The following MARK3 variants were observed in gnomAD, a reference collection of about 807,000 sequenced individuals.
MARK3 encodes the protein MAP/microtubule affinity-regulating kinase 3.
Under a neutral mutation model 90.1 loss-of-function variants are expected in MARK3, and 46 were observed. The ratio of observed to expected loss-of-function variants is 0.51; its 90% CI spans 0.40 to 0.65. The LOEUF (loss-of-function observed/expected upper bound fraction) is 0.65, where lower values mean the gene tolerates loss of function less well. MARK3 is among the 30% of genes least tolerant of loss of function. The pLI, the probability that MARK3 is intolerant of heterozygous loss-of-function variation, is 0.00. For synonymous variants in MARK3, 321 were observed against 332.6 expected (o/e 0.97, Z 0.38); for missense variants, 818 against 947.2 (o/e 0.86, Z 1.79).
At chr14:103,426,492 A>T (rs1240694303) in intron 2 of MARK3, among the ~76,000 whole-genome samples, 1 of 152,090 alleles carries the variant, frequency 6.6e-6, no homozygotes, top group Non-Finnish European at 1.5e-5. Context: ...GTCCTGCAGG[A>T]TGCCCAGTAG....
At chr14:103,439,393 GT>G (rs2092795301) in intron 3 of MARK3, among the ~76,000 whole-genome samples, 1 of 151,754 alleles carries the variant, frequency 6.6e-6, no homozygotes, top group East Asian at 1.9e-4. Context: ...TTTTTGGTCT[GT>G]TTTTTGTTTC....
intron 13 of MARK3, among the ~76,000 whole-genome samples, chr14:103,475,583 G>A (rs775065932): frequency 1.3e-5 from 2 of 152,210 alleles, no homozygotes; most frequent in Non-Finnish European, 2.9e-5. Context: ...CTCCAGAGGA[G>A]ACAAATGCTG....
chr14:103,498,121 G>A (rs1411595740), intron 15 of MARK3, among the ~76,000 whole-genome samples: 2 of 151,948 alleles, frequency 1.3e-5, no homozygotes, highest in African/African-American at 4.8e-5. Context: ...GGAGACTGAG[G>A]CACAAGAATT....
intron 9 of MARK3, 115 bp from the exon 10 acceptor site, chr14:103,466,228 T>C: frequency 7.5e-7 from 1 of 1,341,726 alleles, no homozygotes; most frequent in Non-Finnish European, 1.0e-6. Flanking sequence ...AAAATATTTT[T>C]TGAGTTTATG....
chr14:103,469,818 C>T (rs2093590591), intron 12 of MARK3, among the ~76,000 whole-genome samples: 2 of 151,754 alleles, frequency 1.3e-5, no homozygotes, highest in Non-Finnish European at 2.9e-5. Flanking sequence ...ATTCCAGCAC[C>T]TTGGGAGGCC....
At chr14:103,415,772 G>A (rs935658295) in intron 2 of MARK3, among the ~76,000 whole-genome samples, 15 of 152,146 alleles carry the variant, frequency 9.9e-5, no homozygotes, top group African/African-American at 3.6e-4. Context: ...CATGCACATA[G>A]CTTAACAAGT....
chr14:103,492,314 G>T (rs970546435), intron 15 of MARK3, among the ~76,000 whole-genome samples: 2 of 151,966 alleles, frequency 1.3e-5, no homozygotes, highest in Admixed American at 6.6e-5. Flanking sequence ...TGTCTGCATG[G>T]CATGTTCGTT....
chr14:103,475,268 C>T (rs2093695015), intron 13 of MARK3, 58 bp downstream of exon 13: 7 of 1,441,720 alleles, frequency 4.9e-6, no homozygotes, highest in Non-Finnish European at 6.8e-6. Flanking sequence ...ACCAGCTAGA[C>T]ACCAGGTGTT....
intron 4 of MARK3, among the ~76,000 whole-genome samples, chr14:103,450,875 A>AGTGTCTGTGT (rs1555389260): frequency 6.1e-5 from 7 of 114,828 alleles, no homozygotes; most frequent in Non-Finnish European, 1.2e-4. Flanking sequence ...TCATTTTTAA[A>AGTGTCTGTGT]GTGTGTGTGT....
chr14:103,500,932 A>G (rs1415497094), intron 17 of MARK3, among the ~76,000 whole-genome samples: 1 of 151,964 alleles, frequency 6.6e-6, no homozygotes. Flanking sequence ...TTGCTTTTCC[A>G]TTTTGTATAG....
intron 3 of MARK3, chr14:103,441,378 G>A (rs773590603): frequency 6.6e-6 from 1 of 152,012 alleles, no homozygotes; most frequent in Admixed American, 6.6e-5. Context: ...TTCGCCTCCC[G>A]GGTTCACGCC....
intron 1 of MARK3, chr14:103,386,470 C>CT (rs2089808558): frequency 3.9e-6 from 2 of 507,418 alleles, no homozygotes; most frequent in Admixed American, 4.7e-5. Context: ...TCTTGAGAGA[C>CT]TGTCACATTA....
At chr14:103,458,513 T>C (rs974712743) in intron 6 of MARK3, among the ~76,000 whole-genome samples, 2 of 142,844 alleles carry the variant, frequency 1.4e-5, no homozygotes, top group Middle Eastern at 3.4e-3. Flanking sequence ...TGAATGAACG[T>C]GACTGTGTTC....
At chr14:103,467,256 C>T in intron 11 of MARK3, 65 bp downstream of exon 11, 1 of 733,566 alleles carries the variant, frequency 1.4e-6, no homozygotes, top group African/African-American at 1.8e-5. Context: ...AAACTGTTTT[C>T]TTAGTTTTTA....
chr14:103,502,036 A>G (rs1417684386), intron 17 of MARK3, among the ~76,000 whole-genome samples: 3 of 152,244 alleles, frequency 2.0e-5, no homozygotes, highest in Non-Finnish European at 1.5e-5. Flanking sequence ...TGAGGCCACC[A>G]GATACACACA....
At chr14:103,392,810 T>C (rs960496908) in intron 1 of MARK3, among the ~76,000 whole-genome samples, 1 of 151,916 alleles carries the variant, frequency 6.6e-6, no homozygotes, top group Non-Finnish European at 1.5e-5. Context: ...AATTAGCTTT[T>C]TTTTTTTTTA....
At position 103,468,220 on chromosome 14, in the gene MARK3, G is replaced by A. The variant is rs761829891; in HGVS notation, c.1264+34G>A. 3.4e-5 allele frequency: 53 copies of A among 1,581,968 alleles called. No homozygotes were observed. The East Asian group carries it at 1.2e-3, about 35-fold the overall frequency. The stretch of plus-strand genomic sequence containing the variant: ...TGGAGTATCCCAGTGCCTTCTCTTA[G>A]AGTCCAGGCAAGAGGTCTCCTAGCA... On this transcript the variant is annotated intron_variant, in intron 12 of 17. Transcript: ENST00000429436.
intron 13 of MARK3, among the ~76,000 whole-genome samples, chr14:103,476,725 C>A (rs2093721360): frequency 6.6e-6 from 1 of 152,160 alleles, no homozygotes; most frequent in South Asian, 2.1e-4. Context: ...TGTGGAGAAA[C>A]CCTGTTGCTC....
intron 9 of MARK3, 73 bp downstream of exon 9, chr14:103,466,164 G>C: frequency 6.4e-7 from 1 of 1,551,758 alleles, no homozygotes; most frequent in Non-Finnish European, 8.8e-7. Flanking sequence ...TGCTTGATTT[G>C]TATGCCATAC....
Sources: allele counts gnomAD v4.1 joint callset (sites outside exome capture counted in the v4.1 genomes callset), GRCh38; gene constraint gnomAD v4.1.1; transcripts MANE v1.5; gene names NCBI Gene and HGNC (gene_info 2026-07-23, HGNC 2026-07-21).